The following TACR3 variants were observed in gnomAD, a reference collection of about 807,000 sequenced individuals.
The protein encoded by TACR3 is tachykinin receptor 3.
TACR3 carries 34 observed loss-of-function variants against 35.0 expected under a neutral mutation model. The observed-to-expected ratio is 0.97, with a 90% CI of 0.74 to 1.30. The LOEUF (loss-of-function observed/expected upper bound fraction) is 1.30, where lower values mean the gene tolerates loss of function less well. Among genes scored for constraint, TACR3 ranks in the 50% most tolerant of loss-of-function variants. The probability of loss-of-function intolerance (pLI) is 0.00; values close to 1 mark genes in which losing one functional copy is unlikely to be tolerated. For missense variants in TACR3, 558 were observed against 591.7 expected (o/e 0.94, Z 0.59); for synonymous variants, 233 against 221.1 (o/e 1.05, Z -0.48).
chr4:103,614,681 A>AAGAGATGAGAACACTC (rs1241450451), intron 3 of TACR3, among the ~76,000 whole-genome samples: 8 of 152,254 alleles, frequency 5.3e-5, no homozygotes, highest in Non-Finnish European at 1.2e-4. Flanking sequence ...ATTAGTGAAG[A>AAGAGATGAGAACACTC]AGAGATGAGA....
At chr4:103,695,169 C>A (rs1385284908) in intron 1 of TACR3, among the ~76,000 whole-genome samples, 1 of 151,962 alleles carries the variant, frequency 6.6e-6, no homozygotes, top group African/African-American at 2.4e-5. Context: ...ATACTTTTAC[C>A]GTTTAATCTT....
chr4:103,638,189 A>G (rs1463251438), intron 3 of TACR3, among the ~76,000 whole-genome samples: 1 of 151,910 alleles, frequency 6.6e-6, no homozygotes, highest in Non-Finnish European at 1.5e-5. Context: ...ACTTCAAACT[A>G]TACTACAAGG....
intron 3 of TACR3, among the ~76,000 whole-genome samples, chr4:103,642,924 T>C (rs1725386432): frequency 6.6e-6 from 1 of 151,894 alleles, no homozygotes; most frequent in South Asian, 2.1e-4. Context: ...ATATCACATG[T>C]ACCCCCAAAA....
chr4:103,650,525 T>TTATTTATA (rs1193541497), intron 3 of TACR3, among the ~76,000 whole-genome samples: 4 of 126,912 alleles, frequency 3.2e-5, no homozygotes, highest in African/African-American at 1.1e-4. Flanking sequence ...TAAATATGTA[T>TTATTTATA]TATTTATATA....
chr4:103,654,463 G>A (rs555677888), intron 3 of TACR3, among the ~76,000 whole-genome samples: 166 of 146,436 alleles, frequency 1.1e-3, no homozygotes, highest in Admixed American at 2.8e-3. Flanking sequence ...TCCACACACC[G>A]CATGTTCTCA....
At chr4:103,622,813 G>C (rs1724812270) in intron 3 of TACR3, among the ~76,000 whole-genome samples, 1 of 152,160 alleles carries the variant, frequency 6.6e-6, no homozygotes, top group Non-Finnish European at 1.5e-5. Context: ...CTGCATTGCT[G>C]TGGAGTTATG....
chr4:103,602,221 T>C (rs915481942), intron 3 of TACR3, among the ~76,000 whole-genome samples: 2 of 152,222 alleles, frequency 1.3e-5, no homozygotes, highest in African/African-American at 4.8e-5. Context: ...TCTCGTGCCT[T>C]GGTTTTCAGC....
chr4:103,641,039 C>T (rs1725345212), intron 3 of TACR3, among the ~76,000 whole-genome samples: 2 of 152,016 alleles, frequency 1.3e-5, no homozygotes, highest in Middle Eastern at 3.4e-3. Flanking sequence ...AGTTTCAAGG[C>T]TTACATTTAA....
intron 3 of TACR3, among the ~76,000 whole-genome samples, chr4:103,631,299 ACATG>A (rs1230784615): frequency 1.3e-5 from 2 of 152,128 alleles, no homozygotes; most frequent in Non-Finnish European, 2.9e-5. Context: ...CACGTTGCAC[ACATG>A]TACCCTAGAA....
chr4:103,599,256 G>A (rs867070186), intron 3 of TACR3, among the ~76,000 whole-genome samples: 2 of 152,080 alleles, frequency 1.3e-5, no homozygotes, highest in Non-Finnish European at 2.9e-5. Context: ...CTCTCTGTTT[G>A]TCTGTTATTG....
chr4:103,612,707 G>T (rs138026012), intron 3 of TACR3, among the ~76,000 whole-genome samples: 1 of 151,936 alleles, frequency 6.6e-6, no homozygotes, highest in African/African-American at 2.4e-5. Flanking sequence ...TTGGGATCTC[G>T]CCATGTTGGC....
intron 1 of TACR3, among the ~76,000 whole-genome samples, chr4:103,667,205 T>C (rs1725953526): frequency 6.6e-6 from 1 of 151,878 alleles, no homozygotes; most frequent in Non-Finnish European, 1.5e-5. Flanking sequence ...TTGCAGTGAG[T>C]CAAGATCGCG....
chr4:103,656,691 A>G (rs1409855687), intron 2 of TACR3, among the ~76,000 whole-genome samples: 2 of 151,998 alleles, frequency 1.3e-5, no homozygotes, highest in Non-Finnish European at 2.9e-5. Flanking sequence ...AATTAAATGT[A>G]TCATTGGAGG....
At chr4:103,709,863 T>G (rs1434906734) in intron 1 of TACR3, among the ~76,000 whole-genome samples, 1 of 152,038 alleles carries the variant, frequency 6.6e-6, no homozygotes, top group Non-Finnish European at 1.5e-5. Context: ...GCAATCCTAG[T>G]CTCTGATAAA....
intron 1 of TACR3, among the ~76,000 whole-genome samples, chr4:103,687,501 T>C (rs555579787): frequency 1.2e-4 from 18 of 152,210 alleles, no homozygotes; most frequent in East Asian, 1.2e-3. Context: ...GAAAACCCCA[T>C]TGTCTCAGCC....
intron 1 of TACR3, among the ~76,000 whole-genome samples, chr4:103,687,840 T>G (rs1578257970): frequency 6.6e-6 from 1 of 152,278 alleles, no homozygotes; most frequent in Middle Eastern, 3.4e-3. Context: ...ATTTATAGAT[T>G]CAATGCCATC....
intron 1 of TACR3, among the ~76,000 whole-genome samples, chr4:103,708,118 G>A (rs961867925): frequency 7.9e-5 from 12 of 152,214 alleles, no homozygotes; most frequent in Non-Finnish European, 1.3e-4. Context: ...CTCTGCAGAC[G>A]TAAATGTCCC....
chr4:103,607,278 C>T (rs1188481627), intron 3 of TACR3, among the ~76,000 whole-genome samples: 4 of 151,996 alleles, frequency 2.6e-5, no homozygotes, highest in African/African-American at 4.8e-5. Flanking sequence ...TTTTGTGCCC[C>T]TAGAAATTAG....
At chr4:103,681,023 C>T (rs1390349145) in intron 1 of TACR3, among the ~76,000 whole-genome samples, 1 of 151,614 alleles carries the variant, frequency 6.6e-6, no homozygotes, top group Non-Finnish European at 1.5e-5. Flanking sequence ...GGTTTGCTTT[C>T]TCTTGCTAAG....
Sources: allele counts gnomAD v4.1 joint callset (sites outside exome capture counted in the v4.1 genomes callset), GRCh38; gene constraint gnomAD v4.1.1; transcripts MANE v1.5; gene names NCBI Gene and HGNC (gene_info 2026-07-23, HGNC 2026-07-21).